Variants in APPL1 observed in about 807,000 individuals in gnomAD.
The protein encoded by APPL1 is DCC-interacting protein 13-alpha.
A neutral mutation model predicts 106.8 loss-of-function variants in APPL1; 42 were observed. The ratio of observed to expected loss-of-function variants is 0.39; its 90% confidence interval spans 0.31 to 0.51. APPL1 has a LOEUF of 0.51. Among genes scored for constraint, APPL1 ranks in the 20% least tolerant of loss-of-function variants. The pLI, the probability that APPL1 is intolerant of heterozygous loss-of-function variation, is 0.75. For synonymous variants in APPL1, 263 were observed against 281.8 expected (o/e 0.93, Z 0.67); for missense variants, 769 against 858.2 (o/e 0.90, Z 1.30).
At chr3:57,246,292 A>ATTAT in intron 8 of APPL1, 70 bp downstream of exon 8, 1 of 1,171,050 alleles carries the variant, frequency 8.5e-7, no homozygotes, top group Non-Finnish European at 1.1e-6. Flanking sequence ...ATTTACATTA[A>ATTAT]GTATAAGGGT....
chr3:57,242,997 G>A (rs2060754832), intron 7 of APPL1, 83 bp downstream of exon 7: 5 of 972,346 alleles, frequency 5.1e-6, no homozygotes, highest in Non-Finnish European at 8.0e-6. Context: ...AATAGAGCCA[G>A]CAGTTACTTT....
intron 19 of APPL1, among the ~76,000 whole-genome samples, chr3:57,264,307 A>G (rs577864053): frequency 8.5e-5 from 13 of 152,282 alleles, no homozygotes; most frequent in African/African-American, 3.1e-4. Context: ...GTAGTTTACA[A>G]ATATTTTCTC....
Position 57,272,172 on chromosome 3 carries a change from A to G in APPL1, c.*2485A>G, listed in dbSNP as rs907576509. ...AAAGATATTAAGCCTGCCTACTTCT[A>G]CAATGCATTCTGTTACCTATTTGAA... On this transcript the variant is annotated 3_prime_UTR_variant, in exon 22 of 22. Transcript: ENST00000288266. The G allele has an allele frequency of 2.0e-5, 3 of 152,254 alleles. No homozygotes were observed. The allele number at this position is 152,254 out of a possible 1,614,324, so 9.4% of individuals were successfully genotyped here.
chr3:57,258,062 G>A (rs141749257), intron 15 of APPL1, among the ~76,000 whole-genome samples: 1 of 152,254 alleles, frequency 6.6e-6, no homozygotes, highest in East Asian at 1.9e-4. Context: ...AATACACTTA[G>A]CATTTGATGT....
In APPL1 at chr3:57,228,738, A is replaced by G. The variant is rs556589652; in HGVS notation, c.54+801A>G. On this transcript the variant is annotated intron_variant, in intron 1 of 21. Coordinates refer to ENST00000288266, the MANE Select transcript of APPL1 (RefSeq NM_012096.3). The surrounding 1 kb of genome is among the most constrained non-coding windows in gnomAD (Gnocchi z 4.6). ...AATGAAAGCAGCTATATTTTTTAAA[A>G]TGTTGGCAGGGGCTGTAACTTGCAT... Among the ~76,000 whole-genome samples the G allele has an allele frequency of 9.8e-5, 15 of 152,356 alleles. No homozygotes were observed. The highest frequency in any genetic ancestry group is 3.6e-4 in the African/African-American group (15 of 41,588).
chr3:57,262,583 A>G (rs2060872574), intron 19 of APPL1, among the ~76,000 whole-genome samples: 1 of 150,102 alleles, frequency 6.7e-6, no homozygotes, highest in African/African-American at 2.4e-5. Context: ...ACAGGATTTC[A>G]CCATGTTGGC....
chr3:57,249,694 A>G (rs1359682275), intron 11 of APPL1, 146 bp downstream of exon 11: 1 of 750,268 alleles, frequency 1.3e-6, no homozygotes, highest in Non-Finnish European at 2.0e-6. Flanking sequence ...GTAGAAATAT[A>G]TTGAATTTTT....
Position 57,260,600 on chromosome 3 carries a change from T to A in APPL1, c.1696-28T>A, listed in dbSNP as rs543197887. On this transcript the variant is annotated intron_variant, in intron 18 of 21. Coordinates refer to ENST00000288266, the MANE Select transcript of APPL1 (RefSeq NM_012096.3). ...TGCTGTAATGACTTGTAAGATCTCA[T>A]GTTTGCTTCTGATGTTTTCTGTGGC... is the stretch of plus-strand genomic sequence containing the variant. 5.7e-6 allele frequency: 9 copies of A among 1,591,368 alleles called. No homozygotes were observed. The South Asian group carries it at 1.0e-4, about 18-fold the overall frequency.
At chr3:57,250,156 T>C (rs1004002384) in intron 11 of APPL1, among the ~76,000 whole-genome samples, 15 of 152,216 alleles carry the variant, frequency 9.9e-5, no homozygotes, top group Non-Finnish European at 1.9e-4. Flanking sequence ...GTTACCTTTT[T>C]TTGAGGCGGG....
At chr3:57,235,717 C>G in intron 2 of APPL1, 53 bp downstream of exon 2, 2 of 1,307,508 alleles carry the variant, frequency 1.5e-6, no homozygotes, top group Non-Finnish European at 2.2e-6. Flanking sequence ...CTTTAAGCCT[C>G]ATGAGGACAG....
intron 18 of APPL1, 116 bp downstream of exon 18, chr3:57,260,269 G>A: frequency 9.0e-7 from 1 of 1,115,764 alleles, no homozygotes; most frequent in East Asian, 2.7e-5. Flanking sequence ...AGCTATGATT[G>A]GTCTTTGGCT....
At chr3:57,250,668 TTA>T (rs1376206910) in intron 11 of APPL1, among the ~76,000 whole-genome samples, 42 of 152,192 alleles carry the variant, frequency 2.8e-4, no homozygotes, top group Non-Finnish European at 4.7e-4. Flanking sequence ...TAAAAACATG[TTA>T]TAATGGCTAT....
intron 11 of APPL1, among the ~76,000 whole-genome samples, chr3:57,251,706 T>C (rs912992372): frequency 2.6e-5 from 4 of 152,104 alleles, no homozygotes; most frequent in Non-Finnish European, 5.9e-5. Flanking sequence ...TTACTTACTA[T>C]TAAGTATTTA....
In APPL1 at chr3:57,269,575, C is replaced by G. The variant is rs138485817; in HGVS notation, c.2018C>G (p.Ser673Cys). The G allele has an allele frequency of 9.1e-4, 1,461 of 1,613,982 alleles. 2 individuals are homozygous for G. Among genetic ancestry groups the G allele is most frequent in the Middle Eastern group, 1.8e-3 (11 of 6,062 alleles). ...LEEQSRLIAASSRPNQASSEG... is the reference protein window; with the variant it reads ...LEEQSRLIAACSRPNQASSEG... ...GAACAAAGTCGGTTGATAGCTGCTT[C>G]CAGTAGACCAAACCAAGCCAGTAGT... The change falls in exon 22 of 22, where the codon TCC (serine) becomes TGC (cysteine). Residue 673 changes from serine to cysteine, a missense_variant. Transcript: ENST00000288266.
chr3:57,247,111 T>C (rs945284017), intron 8 of APPL1, among the ~76,000 whole-genome samples: 1 of 152,208 alleles, frequency 6.6e-6, no homozygotes, highest in Non-Finnish European at 1.5e-5. Flanking sequence ...TTGGAAATAC[T>C]TTAAAATTTA....
chr3:57,257,417 C>G lies in APPL1; in HGVS notation c.1419C>G (p.Gly473=). Residue 473 remains glycine (G), a synonymous_variant, in exon 15 of 22, where the codon GGC becomes GGG. Transcript: ENST00000288266. ...AGCCTGGCCAGGCAAAAGCCTTTGG[C>G]CAGGGAGGCAGGTGGGTGATAGCAT... ...EDQPGQAKAF[G]QGGRRTNPFG... 1 of 1,611,430 alleles carries G rather than the reference C, an allele frequency of 6.2e-7. No individual in the cohort carries two copies. The highest frequency in any genetic ancestry group is 1.7e-5 in the Admixed American group (1 of 59,620).
intron 11 of APPL1, among the ~76,000 whole-genome samples, chr3:57,251,830 A>G (rs1468745185): frequency 6.6e-6 from 1 of 152,192 alleles, no homozygotes; most frequent in African/African-American, 2.4e-5. Context: ...CGAAATAATG[A>G]TATGTTAGTG....
chr3:57,267,730 TTC>T lies in APPL1; in HGVS notation c.1843-8_1843-7del. ...GAACTGCCTGAATTTTTCATACTTT[TTC>T]TCTTTTTAGATATGTGATTCTGTTG... On this transcript the variant is annotated splice_polypyrimidine_tract_variant and intron_variant, in intron 19 of 21. Coordinates refer to ENST00000288266, the MANE Select transcript of APPL1 (RefSeq NM_012096.3). 2 of 1,613,582 alleles carry T rather than the reference TTC, an allele frequency of 1.2e-6. No homozygotes were observed. The highest frequency in any genetic ancestry group is 1.7e-6 in the Non-Finnish European group (2 of 1,179,712).
At chr3:57,258,944 T>C (rs2060851134) in intron 15 of APPL1, 84 bp from the exon 16 acceptor site, 5 of 1,019,994 alleles carry the variant, frequency 4.9e-6, no homozygotes. Flanking sequence ...TTTTAAATGT[T>C]AACTGTGGTT....
Sources: gnomAD v4.1 joint callset for allele counts (sites outside exome capture counted in the v4.1 genomes callset) on GRCh38, gnomAD v4.1.1 for gene constraint, Gnocchi (gnomAD v3.1) non-coding constraint, MANE v1.5 for transcripts, NCBI Gene and HGNC (gene_info 2026-07-23, HGNC 2026-07-21) for gene names.